The following FAT1 variants were observed in gnomAD, a reference collection of about 807,000 sequenced individuals.
FAT1 encodes FAT atypical cadherin 1, also known as protocadherin Fat 1.
Under a neutral mutation model 329.8 loss-of-function variants are expected in FAT1, and 171 were observed. The observed-to-expected ratio is 0.52, with a 90% CI of 0.46 to 0.59. The LOEUF (loss-of-function observed/expected upper bound fraction) is 0.59, where lower values mean the gene tolerates loss of function less well. Among genes scored for constraint, FAT1 ranks in the 20% least tolerant of loss-of-function variants. The pLI is 0.00. For synonymous variants in FAT1, 2,233 were observed against 2,228.6 expected, an observed-to-expected ratio of 1.00 and a Z score of -0.06; for missense variants, 5,672 against 5,774.4, an observed-to-expected ratio of 0.98 and a Z score of 0.57.
chr4:186,619,584 A>G lies in FAT1; in HGVS notation c.7002T>C (p.His2334=), dbSNP rs1260367824. 1 of 1,613,842 alleles carries G rather than the reference A, an allele frequency of 6.2e-7. No homozygotes were observed. Among genetic ancestry groups the G allele is most frequent in the Admixed American group, 1.7e-5 (1 of 60,010 alleles). Residue 2334 remains histidine (H), a synonymous_variant, in exon 10 of 27, where the codon CAT becomes CAC. Transcript: ENST00000441802. ...AGATGAGGCCAGTGCTGCTGTCTAC[A>G]TGAAAATGATCATGACTCTTGCTGT... ...GNHSKSHDHF[H]VDSSTGLISL... is the part of the protein sequence containing the mutation.
intron 2 of FAT1, among the ~76,000 whole-genome samples, chr4:186,697,489 C>T (rs145004031): frequency 1.8e-3 from 269 of 152,258 alleles, no homozygotes; most frequent in African/African-American, 6.2e-3. Flanking sequence ...AATGGGGAGA[C>T]AGAACATCTG....
In FAT1 at chr4:186,618,881, T is replaced by C. The variant is rs1490947875; in HGVS notation, c.7705A>G (p.Met2569Val). Reference protein sequence around the residue: ...PAEKVISVRLMAKDAGGKVAF... With the variant: ...PAEKVISVRLVAKDAGGKVAF... ...ACTTTTCCTCCAGCATCCTTAGCCA[T>C]TAAACGGACTGAGATCACTTTCTCC... The change falls in exon 10 of 27, where the codon ATG (methionine) becomes GTG (valine). Residue 2569 changes from methionine (M) to valine (V), a missense_variant. Coordinates refer to ENST00000441802, the MANE Select transcript of FAT1 (RefSeq NM_005245.4). 1.9e-6 allele frequency: 3 copies of C among 1,614,030 alleles called. No individual in the cohort carries two copies. Among genetic ancestry groups the C allele is most frequent in the Admixed American group, 1.7e-5 (1 of 60,030 alleles).
At chr4:186,610,637 T>C (rs910477148) in intron 14 of FAT1, among the ~76,000 whole-genome samples, 2 of 112,152 alleles carry the variant, frequency 1.8e-5, no homozygotes, top group Non-Finnish European at 3.6e-5. Flanking sequence ...AATTATATAA[T>C]TTATATAATT....
chr4:186,608,072 T>G (rs186075639), intron 16 of FAT1, among the ~76,000 whole-genome samples: 256 of 152,328 alleles, frequency 1.7e-3, no homozygotes, highest in African/African-American at 5.9e-3. Flanking sequence ...CTCATAACTT[T>G]TCTTTAATGG....
intron 20 of FAT1, 82 bp downstream of exon 20, chr4:186,602,821 G>A: frequency 7.1e-7 from 1 of 1,404,760 alleles, no homozygotes; most frequent in Non-Finnish European, 9.7e-7. Context: ...AATATTTTTA[G>A]ACTCCAATAA....
At chr4:186,676,949 C>T (rs949317746) in intron 2 of FAT1, among the ~76,000 whole-genome samples, 1 of 152,164 alleles carries the variant, frequency 6.6e-6, no homozygotes, top group African/African-American at 2.4e-5. Flanking sequence ...TGAATGCTGA[C>T]TGAAGCAAAT....
chr4:186,678,582 A>C (rs1228045015), intron 2 of FAT1, among the ~76,000 whole-genome samples: 3 of 148,658 alleles, frequency 2.0e-5, no homozygotes, highest in African/African-American at 7.3e-5. Flanking sequence ...ATTAATATCA[A>C]TTATTGTATA....
At chr4:186,624,872 C>A (rs1347449527) in intron 9 of FAT1, among the ~76,000 whole-genome samples, 1 of 152,186 alleles carries the variant, frequency 6.6e-6, no homozygotes, top group East Asian at 1.9e-4. Flanking sequence ...ATGCACACAC[C>A]CCTTCCACAA....
chr4:186,691,341 C>T (rs558717396), intron 2 of FAT1, among the ~76,000 whole-genome samples: 3 of 152,290 alleles, frequency 2.0e-5, no homozygotes, highest in South Asian at 4.1e-4. Flanking sequence ...TTATTCTCTT[C>T]GCTAACATGA....
chr4:186,690,837 T>C (rs1743724043), intron 2 of FAT1, among the ~76,000 whole-genome samples: 2 of 152,220 alleles, frequency 1.3e-5, no homozygotes, highest in African/African-American at 4.8e-5. Flanking sequence ...TATACACTGA[T>C]TTAAAGACTT....
chr4:186,723,485 G>A (rs1745554220), intron 1 of FAT1, among the ~76,000 whole-genome samples, 179 bp downstream of exon 1: 1 of 152,198 alleles, frequency 6.6e-6, no homozygotes, highest in South Asian at 2.1e-4. Context: ...CCTAGCCAGT[G>A]CTGAATTTCC....
At chr4:186,694,688 T>A (rs902825021) in intron 2 of FAT1, among the ~76,000 whole-genome samples, 9 of 152,084 alleles carry the variant, frequency 5.9e-5, no homozygotes. Context: ...ACAGGCTGGG[T>A]ACAGTGGTTC....
At position 186,723,734 on chromosome 4, in the gene FAT1, A is replaced by AGGGACCGGGCCTGCCGGGGCCCTCGCC. The variant is rs1302730241; in HGVS notation, c.-116_-90dup. On this transcript the variant is annotated 5_prime_UTR_variant, in exon 1 of 27. Coordinates refer to ENST00000441802, the MANE Select transcript of FAT1 (RefSeq NM_005245.4). ...CCGCCGTCTCAGCGCGCCCCCGAGC[A>AGGGACCGGGCCTGCCGGGGCCCTCGCC]GGGACCGGGCCTGCCGGGGCCCTCG... 1.3e-5 allele frequency: 2 copies of AGGGACCGGGCCTGCCGGGGCCCTCGCC among 150,518 alleles called. No individual in the cohort carries two copies. The highest frequency in any genetic ancestry group is 1.3e-4 in the Admixed American group (2 of 15,156). The allele number at this position is 150,518 out of a possible 1,614,324, so 9.3% of individuals were successfully genotyped here.
intron 2 of FAT1, among the ~76,000 whole-genome samples, chr4:186,672,913 T>C (rs1742798804): frequency 6.6e-6 from 1 of 152,234 alleles, no homozygotes; most frequent in African/African-American, 2.4e-5. Flanking sequence ...AGATGCCGTT[T>C]TCCCAACATT....
At chr4:186,599,867 A>G in intron 22 of FAT1, 31 bp downstream of exon 22, 1 of 1,540,810 alleles carries the variant, frequency 6.5e-7, no homozygotes. Flanking sequence ...CACGTGCAGC[A>G]TTTTAAAGAT....
Position 186,706,057 on chromosome 4 carries a change from C to T in FAT1, c.3265+506G>A, listed in dbSNP as rs577364347. 7.9e-5 allele frequency among the ~76,000 whole-genome samples: 12 copies of T among 152,262 alleles called. No individual in the cohort carries two copies. The South Asian group carries it at 2.1e-3, about 26-fold the overall frequency. On this transcript the variant is annotated intron_variant, in intron 2 of 26. Coordinates refer to ENST00000441802, the MANE Select transcript of FAT1 (RefSeq NM_005245.4). ...CTCTGCCTCTCGACCAAAACCTAGA[C>T]GAGGTACTAAGTGAAGACCACATTA...
At position 186,597,982 on chromosome 4, in the gene FAT1, T is replaced by C. The variant is rs2126401589; in HGVS notation, c.12247A>G (p.Thr4083Ala). 1 of 1,610,310 alleles carries C rather than the reference T, an allele frequency of 6.2e-7. No homozygotes were observed. ...GFVCQCRGLY[T>A]GQRCQLSPYC... The stretch of plus-strand genomic sequence containing the variant: ...GAAAAATACACATACCTCTGACCAG[T>C]ATATAATCCTCTACACTGGCAAACA... Residue 4083 changes from threonine to alanine, a missense_variant, in exon 23 of 27, where the codon ACT (threonine) becomes GCT (alanine). By Grantham distance (58) the Thr-to-Ala change is moderately conservative (BLOSUM62 0). Transcript: ENST00000441802.
rs1395239371 is a variant in FAT1, at chr4:186,603,796, G to T, written c.10730C>A (p.Thr3577Asn). The change falls in exon 19 of 27, where the codon ACT (threonine) becomes AAT (asparagine). Residue 3577 changes from threonine (T) to asparagine (N), a missense_variant. This residue lies in a region of FAT1 where 1,706 missense variants were observed against 1,859.1 expected (regional missense o/e 0.92). Transcript: ENST00000441802. ...IHATDQDVYD[T>N]LTYSLDPQMD... ...CTGAGGGTCGAGACTGTAGGTTAGA[G>T]TATCATACACGTCCTGGTCTGTGGC... 6.2e-7 allele frequency: 1 copy of T among 1,613,976 alleles called. No homozygotes were observed. The highest frequency in any genetic ancestry group is 1.3e-5 in the African/African-American group (1 of 75,034).
chr4:186,688,314 T>A (rs1264072372), intron 2 of FAT1, among the ~76,000 whole-genome samples: 1 of 152,064 alleles, frequency 6.6e-6, no homozygotes, highest in Non-Finnish European at 1.5e-5. Flanking sequence ...TGTGAAGGAA[T>A]CTTCACTCTC....
Sources: allele counts gnomAD v4.1 joint callset (sites outside exome capture counted in the v4.1 genomes callset), GRCh38; gene constraint gnomAD v4.1.1; regional missense constraint gnomAD v4.1.1; transcripts MANE v1.5; gene names NCBI Gene and HGNC (gene_info 2026-07-23, HGNC 2026-07-21).